Variants in ACOXL observed in about 807,000 individuals in gnomAD.
ACOXL encodes acyl-coenzyme A oxidase-like protein.
Under a neutral mutation model 71.9 loss-of-function variants are expected in ACOXL, and 70 were observed. The observed-to-expected ratio is 0.97, with a 90% CI of 0.80 to 1.19. ACOXL has a LOEUF of 1.19. ACOXL is among the 50% of genes most tolerant of loss of function. The probability of loss-of-function intolerance (pLI) is 0.00; values close to 1 mark genes in which losing one functional copy is unlikely to be tolerated. For missense variants in ACOXL, 703 were observed against 736.3 expected (o/e 0.95, Z 0.52); for synonymous variants, 253 against 281.6 (o/e 0.90, Z 1.02).
intron 11 of ACOXL, among the ~76,000 whole-genome samples, chr2:110,911,547 T>C (rs2059649881): frequency 6.6e-6 from 1 of 152,028 alleles, no homozygotes; most frequent in South Asian, 2.1e-4. Context: ...ATCCCAGGAA[T>C]GCAAGGTTGG....
intron 1 of ACOXL, among the ~76,000 whole-genome samples, chr2:110,741,551 G>A (rs892069092): frequency 1.3e-5 from 2 of 152,118 alleles, no homozygotes; most frequent in Admixed American, 6.6e-5. Flanking sequence ...ACGTGCACCC[G>A]CGTGTTTGTG....
chr2:110,885,329 CA>C (rs1433373306), intron 10 of ACOXL, among the ~76,000 whole-genome samples: 5 of 152,158 alleles, frequency 3.3e-5, no homozygotes, highest in African/African-American at 1.2e-4. Flanking sequence ...TGAAAGACTT[CA>C]AAATATACTT....
chr2:110,889,050 T>C (rs971444778), intron 10 of ACOXL, among the ~76,000 whole-genome samples: 2 of 152,232 alleles, frequency 1.3e-5, no homozygotes, highest in South Asian at 2.1e-4. Context: ...ACCTTCTGCA[T>C]GGAGTGTTCC....
intron 14 of ACOXL, among the ~76,000 whole-genome samples, chr2:110,999,200 G>A (rs765164432): frequency 1.3e-5 from 2 of 152,076 alleles, no homozygotes; most frequent in African/African-American, 2.4e-5. Context: ...TGGCCGCCCC[G>A]CTTGCTACCT....
intron 1 of ACOXL, among the ~76,000 whole-genome samples, chr2:110,738,512 AT>A (rs2104673439): frequency 6.6e-6 from 1 of 152,296 alleles, no homozygotes; most frequent in East Asian, 1.9e-4. Flanking sequence ...TTTTCCTTAG[AT>A]TTTTAAAGGT....
At chr2:110,944,541 C>A (rs1206335236) in intron 12 of ACOXL, among the ~76,000 whole-genome samples, 1 of 152,144 alleles carries the variant, frequency 6.6e-6, no homozygotes, top group East Asian at 1.9e-4. Flanking sequence ...TTGTTCCCTT[C>A]TTTGTGTCTG....
At chr2:110,753,984 T>G (rs1679337717) in intron 1 of ACOXL, among the ~76,000 whole-genome samples, 1 of 152,030 alleles carries the variant, frequency 6.6e-6, no homozygotes, top group South Asian at 2.1e-4. Context: ...TTTGAGCACT[T>G]TCTCGTGTGC....
At chr2:110,919,527 G>A (rs1290182163) in intron 11 of ACOXL, among the ~76,000 whole-genome samples, 1 of 151,920 alleles carries the variant, frequency 6.6e-6, no homozygotes, top group Non-Finnish European at 1.5e-5. Context: ...TGCATATTCT[G>A]CAGATGTACC....
At position 111,064,435 on chromosome 2, in the gene ACOXL, C is replaced by CAAA. The variant is rs34617136; in HGVS notation, c.1440+15155_1440+15157dup. ...TGGGCGAAAGAGCGACACTCCATCT[C>CAAA]AAAAAAAAAACAAAAAAAAAACAAC... On this transcript the variant is annotated intron_variant, in intron 16 of 17. Coordinates refer to ENST00000439055, the MANE Select transcript of ACOXL (RefSeq NM_001142807.4). 3.6e-3 allele frequency among the ~76,000 whole-genome samples: 302 copies of CAAA among 84,204 alleles called. 27 individuals carry two copies. The highest frequency in any genetic ancestry group is 0.012 in the Middle Eastern group (2 of 166). The allele number at this position is 84,204 out of a possible 152,430, so 55.2% of individuals were successfully genotyped here.
At chr2:110,967,310 T>A (rs1313617463) in intron 12 of ACOXL, among the ~76,000 whole-genome samples, 2 of 152,134 alleles carry the variant, frequency 1.3e-5, no homozygotes, top group Non-Finnish European at 2.9e-5. Context: ...ATCAGTGAAT[T>A]TGAGGCCAGA....
chr2:110,945,098 G>A (rs2061045264), intron 12 of ACOXL, among the ~76,000 whole-genome samples: 1 of 152,176 alleles, frequency 6.6e-6, no homozygotes, highest in Admixed American at 6.5e-5. Context: ...CTAATGATTA[G>A]TGATGTTGAG....
At chr2:110,881,029 A>T (rs573725181) in intron 10 of ACOXL, among the ~76,000 whole-genome samples, 1 of 152,220 alleles carries the variant, frequency 6.6e-6, no homozygotes, top group South Asian at 2.1e-4. Flanking sequence ...ACTTTTTACT[A>T]CATTTCACTT....
chr2:110,849,556 G>A (rs1056578677), intron 10 of ACOXL, among the ~76,000 whole-genome samples: 4 of 152,174 alleles, frequency 2.6e-5, no homozygotes, highest in South Asian at 2.1e-4. Context: ...TCGGGAGTTC[G>A]AGACCAGCCT....
Position 111,061,590 on chromosome 2 carries a change from T to C in ACOXL, c.1440+12302T>C, listed in dbSNP as rs1432891588. Among the ~76,000 whole-genome samples, 17 of 152,244 alleles carry C rather than the reference T, an allele frequency of 1.1e-4. No homozygotes were observed. In the East Asian group the frequency reaches 3.3e-3, roughly 29 times the overall value. On this transcript the variant is annotated intron_variant, in intron 16 of 17. Coordinates refer to ENST00000439055, the MANE Select transcript of ACOXL (RefSeq NM_001142807.4). ...GAATTCGGTAAACAAAGATGGTAAA[T>C]TCAATTAGCTCTCCTTCTCCTTTTG...
In ACOXL at chr2:111,064,435, C is replaced by CAAAAAA. The variant is rs34617136; in HGVS notation, c.1440+15152_1440+15157dup. Reference sequence around the variant, plus strand: ...TGGGCGAAAGAGCGACACTCCATCTCAAAAAAAAAACAAAAAAAAAACAAC... The same window carrying CAAAAAA: ...TGGGCGAAAGAGCGACACTCCATCTCAAAAAAAAAAAAAAAACAAAAAAAAAACAAC... On this transcript the variant is annotated intron_variant, in intron 16 of 17. Coordinates refer to ENST00000439055, the MANE Select transcript of ACOXL (RefSeq NM_001142807.4). Among the ~76,000 whole-genome samples, 21 of 85,216 alleles carry CAAAAAA rather than the reference C, an allele frequency of 2.5e-4. 1 individual carries two copies. The highest frequency in any genetic ancestry group is 4.1e-4 in the East Asian group (1 of 2,466). The allele number at this position is 85,216 out of a possible 152,430, so 55.9% of individuals were successfully genotyped here. A position where few individuals can be genotyped will look rare whatever the true frequency, so the allele number is the denominator to read the frequency against.
chr2:111,068,737 T>C (rs1255363547), intron 16 of ACOXL, among the ~76,000 whole-genome samples: 1 of 152,226 alleles, frequency 6.6e-6, no homozygotes, highest in Admixed American at 6.5e-5. Context: ...TATAAATCCT[T>C]GAAGCCTCTT....
chr2:110,886,814 T>C lies in ACOXL; in HGVS notation c.789-21975T>C, dbSNP rs1030796041. The C allele has an allele frequency of 1.9e-5, 30 of 1,550,938 alleles. No individual in the cohort carries two copies. The African/African-American group carries it at 2.5e-4, about 13-fold the overall frequency. On this transcript the variant is annotated intron_variant, in intron 10 of 17. Transcript: ENST00000439055. Reference sequence around the variant, plus strand: ...TCATCTCCCAGAACTGCTGTTCAGCTCCAGCTGGTCTTTATTGAGCCCCTC... The same window carrying C: ...TCATCTCCCAGAACTGCTGTTCAGCCCCAGCTGGTCTTTATTGAGCCCCTC...
chr2:110,935,870 G>A lies in ACOXL; in HGVS notation c.1059+2228G>A, dbSNP rs151204401. 8.9e-3 allele frequency among the ~76,000 whole-genome samples: 1,350 copies of A among 151,916 alleles called. 36 individuals carry two copies. Among genetic ancestry groups the A allele is most frequent in the Admixed American group, 0.055 (842 of 15,262 alleles). On this transcript the variant is annotated intron_variant, in intron 12 of 17. Coordinates refer to ENST00000439055, the MANE Select transcript of ACOXL (RefSeq NM_001142807.4). ...ATGGTTTTGGGGGTGGGGGGTGCGGGGTAGGGGAGATGTTTTCGGGATGAA... is the reference window on the plus strand; with the variant it reads ...ATGGTTTTGGGGGTGGGGGGTGCGGAGTAGGGGAGATGTTTTCGGGATGAA...
intron 14 of ACOXL, among the ~76,000 whole-genome samples, chr2:111,007,553 G>C (rs1464967303): frequency 6.6e-6 from 1 of 152,174 alleles, no homozygotes; most frequent in African/African-American, 2.4e-5. Flanking sequence ...AGCTCCTTCA[G>C]GTTGGCCCCT....
Sources: allele counts gnomAD v4.1 joint callset (sites outside exome capture counted in the v4.1 genomes callset), GRCh38; gene constraint gnomAD v4.1.1; transcripts MANE v1.5; gene names NCBI Gene and HGNC (gene_info 2026-07-23, HGNC 2026-07-21).